The following NKAIN2 variants were observed in gnomAD, a reference collection of about 807,000 sequenced individuals.
NKAIN2 encodes sodium/potassium transporting ATPase interacting 2.
NKAIN2 carries 14 observed loss-of-function variants against 32.6 expected under a neutral mutation model. That is an observed-to-expected ratio of 0.43 (90% CI 0.28 to 0.67). The LOEUF is 0.67. NKAIN2 is among the 30% of genes least tolerant of loss of function. The probability of loss-of-function intolerance (pLI) is 0.17; values close to 1 mark genes in which losing one functional copy is unlikely to be tolerated. For missense variants in NKAIN2, 198 were observed against 258.3 expected, an observed-to-expected ratio of 0.77 and a Z score of 1.60; for synonymous variants, 80 against 87.2, an observed-to-expected ratio of 0.92 and a Z score of 0.46.
intron 1 of NKAIN2, among the ~76,000 whole-genome samples, chr6:124,112,315 A>T (rs1307807466): frequency 2.0e-5 from 3 of 152,132 alleles, no homozygotes; most frequent in African/African-American, 7.2e-5. Context: ...TTTAAAGGAC[A>T]GTTTTTGCCA....
At chr6:123,873,692 T>C (rs1179037370) in intron 1 of NKAIN2, among the ~76,000 whole-genome samples, 1 of 152,094 alleles carries the variant, frequency 6.6e-6, no homozygotes, top group African/African-American at 2.4e-5. Context: ...TTATGGAGAA[T>C]AGATAAGGGA....
intron 3 of NKAIN2, among the ~76,000 whole-genome samples, chr6:124,551,429 T>C (rs1228891509): frequency 1.3e-5 from 2 of 152,220 alleles, no homozygotes; most frequent in Non-Finnish European, 2.9e-5. Context: ...CCCTGACTTT[T>C]TCAGTTGACC....
intron 3 of NKAIN2, among the ~76,000 whole-genome samples, chr6:124,583,702 G>T (rs1399609159): frequency 6.6e-6 from 1 of 152,068 alleles, no homozygotes; most frequent in Non-Finnish European, 1.5e-5. Context: ...TGAGAAAAAG[G>T]AACAAAACTG....
intron 2 of NKAIN2, among the ~76,000 whole-genome samples, chr6:124,301,760 T>A: frequency 6.6e-6 from 1 of 152,194 alleles, no homozygotes; most frequent in East Asian, 1.9e-4. Flanking sequence ...TTTTGGCCAA[T>A]TTCTTTCATT....
rs140383999 is a variant in NKAIN2, at chr6:123,924,086, A to C, written c.54+119832A>C. On this transcript the variant is annotated intron_variant, in intron 1 of 6. Transcript: ENST00000368417. Reference sequence around the variant, plus strand: ...TATAGAAGTACCTAATATTAACTATAGTTTTAGAAATTTAAAATTTTATTG... The same window carrying C: ...TATAGAAGTACCTAATATTAACTATCGTTTTAGAAATTTAAAATTTTATTG... Among the ~76,000 whole-genome samples, 197 of 152,280 alleles carry C rather than the reference A, an allele frequency of 1.3e-3. 6 individuals carry two copies. In the East Asian group the frequency reaches 0.031, roughly 24 times the overall value.
At position 124,614,866 on chromosome 6, in the gene NKAIN2, A is replaced by C. The variant is rs116118554; in HGVS notation, c.274-43320A>C. On this transcript the variant is annotated intron_variant, in intron 3 of 6. Coordinates refer to ENST00000368417, the MANE Select transcript of NKAIN2 (RefSeq NM_001040214.3). ...CTTCGTTTCATTCCCTAATTTGGTA[A>C]AGAATAACATCATTTTATCATTTGC... is the stretch of plus-strand genomic sequence containing the variant. Among the ~76,000 whole-genome samples the C allele has an allele frequency of 6.8e-3, 1,041 of 152,288 alleles. 20 individuals are homozygous for C. Among genetic ancestry groups the C allele is most frequent in the African/African-American group, 0.023 (966 of 41,552 alleles).
chr6:123,938,848 C>T (rs1776685934), intron 1 of NKAIN2, among the ~76,000 whole-genome samples: 1 of 151,558 alleles, frequency 6.6e-6, no homozygotes. Flanking sequence ...CATTGCTATG[C>T]AGAACTCATC....
intron 3 of NKAIN2, among the ~76,000 whole-genome samples, chr6:124,394,805 T>C (rs1157120712): frequency 6.6e-6 from 1 of 152,148 alleles, no homozygotes; most frequent in East Asian, 1.9e-4. Flanking sequence ...AATGCTAATC[T>C]CATCCACAAA....
intron 4 of NKAIN2, among the ~76,000 whole-genome samples, chr6:124,757,013 G>A (rs1223199948): frequency 6.6e-6 from 1 of 151,932 alleles, no homozygotes; most frequent in Non-Finnish European, 1.5e-5. Flanking sequence ...TTACATCTAA[G>A]TTTTGTACAA....
intron 3 of NKAIN2, among the ~76,000 whole-genome samples, chr6:124,624,142 C>A (rs966712395): frequency 6.6e-6 from 1 of 152,048 alleles, no homozygotes; most frequent in African/African-American, 2.4e-5. Flanking sequence ...TTCCTGGGAC[C>A]CTTATGTTAA....
intron 1 of NKAIN2, among the ~76,000 whole-genome samples, chr6:124,195,759 A>G (rs1790283642): frequency 6.6e-6 from 1 of 152,092 alleles, no homozygotes; most frequent in East Asian, 1.9e-4. Context: ...TTATAAGTTA[A>G]TTGCTCCTTT....
At chr6:123,811,054 A>G (rs189404592) in intron 1 of NKAIN2, among the ~76,000 whole-genome samples, 63 of 152,272 alleles carry the variant, frequency 4.1e-4, no homozygotes, top group Admixed American at 1.9e-3. Context: ...AATTTTGAGA[A>G]CTACTGGCCT....
At chr6:124,545,860 C>G (rs1253103873) in intron 3 of NKAIN2, among the ~76,000 whole-genome samples, 1 of 152,048 alleles carries the variant, frequency 6.6e-6, no homozygotes, top group Non-Finnish European at 1.5e-5. Context: ...CTCAGGAATT[C>G]TGCCATGAAA....
Position 124,658,344 on chromosome 6 carries a change from G to A in NKAIN2, c.432G>A (p.Gln144=), listed in dbSNP as rs1784616811. Residue 144 remains glutamine, a synonymous_variant, in exon 4 of 7, where the codon CAG becomes CAA. Coordinates refer to ENST00000368417, the MANE Select transcript of NKAIN2 (RefSeq NM_001040214.3). ...ITVSGCLLEY[Q]YIEVAHSSLQ... is the part of the protein sequence containing the mutation. ...TCTCAGGGTGTTTGCTGGAGTACCA[G>A]TACATAGAAGTGGCTCATAGTTCCC... The A allele has an allele frequency of 6.2e-7, 1 of 1,614,118 alleles. No homozygotes were observed. Among genetic ancestry groups the A allele is most frequent in the Non-Finnish European group, 8.5e-7 (1 of 1,180,012 alleles).
intron 3 of NKAIN2, among the ~76,000 whole-genome samples, chr6:124,536,828 CAAAT>C (rs1779734137): frequency 1.3e-5 from 2 of 151,992 alleles, no homozygotes; most frequent in South Asian, 2.1e-4. Flanking sequence ...GGCAAACAAA[CAAAT>C]AAACAATAAG....
At chr6:124,037,528 A>G (rs1436524859) in intron 1 of NKAIN2, among the ~76,000 whole-genome samples, 4 of 152,100 alleles carry the variant, frequency 2.6e-5, no homozygotes, top group Non-Finnish European at 4.4e-5. Context: ...AAGTTGTCTC[A>G]TTTTAAAAAA....
chr6:124,663,292 G>GT (rs1049613012), intron 4 of NKAIN2, among the ~76,000 whole-genome samples: 2 of 151,930 alleles, frequency 1.3e-5, no homozygotes, highest in African/African-American at 4.8e-5. Context: ...ATAGCCAGGT[G>GT]TGGTGGTGCA....
At chr6:124,349,629 T>C (rs941353642) in intron 2 of NKAIN2, among the ~76,000 whole-genome samples, 15 of 152,208 alleles carry the variant, frequency 9.9e-5, no homozygotes, top group African/African-American at 3.6e-4. Flanking sequence ...AGTGAACTCA[T>C]TCATGACTCA....
intron 3 of NKAIN2, among the ~76,000 whole-genome samples, chr6:124,640,909 G>A (rs951391243): frequency 2.7e-5 from 4 of 146,600 alleles, no homozygotes; most frequent in African/African-American, 1.0e-4. Context: ...TTTCTTCCTT[G>A]TTTTCCTTTT....
Sources: allele counts gnomAD v4.1 joint callset (sites outside exome capture counted in the v4.1 genomes callset), GRCh38; gene constraint gnomAD v4.1.1; transcripts MANE v1.5; gene names NCBI Gene and HGNC (gene_info 2026-07-23, HGNC 2026-07-21).